Variants in RNF220 observed in about 807,000 individuals in gnomAD.
RNF220 encodes the protein ring finger protein 220.
Under a neutral mutation model 67.1 loss-of-function variants are expected in RNF220, and 7 were observed. The observed-to-expected ratio is 0.10, with a 90% CI of 0.06 to 0.20. The LOEUF (loss-of-function observed/expected upper bound fraction) is 0.20. Among genes scored for constraint, RNF220 ranks in the 10% least tolerant of loss-of-function variants. The pLI is 1.00. For synonymous variants in RNF220, 270 were observed against 283.2 expected, an observed-to-expected ratio of 0.95 and a Z score of 0.47; for missense variants, 565 against 740.3, an observed-to-expected ratio of 0.76 and a Z score of 2.75.
rs1469380464 is a variant in RNF220 at position 44,405,421 on chromosome 1, T to C, written c.-227T>C. 2.9e-5 allele frequency: 18 copies of C among 628,862 alleles called. No homozygotes were observed. Among genetic ancestry groups the C allele is most frequent in the Admixed American group, 1.2e-4 (5 of 41,750 alleles). The allele number at this position is 628,862 out of a possible 1,614,324, so 39.0% of individuals were successfully genotyped here. A position where few individuals can be genotyped will look rare whatever the true frequency, so the allele number is the denominator to read the frequency against. On this transcript the variant is annotated 5_prime_UTR_variant, in exon 1 of 15. Coordinates refer to ENST00000361799, the MANE Select transcript of RNF220 (RefSeq NM_018150.4). ...CCGCTGCCGCCGCCGCCGCCGCCGC[T>C]GCCTCCGCCGGCTCTGCGAACCCGG...
At chr1:44,497,484 A>G (rs536017736) in intron 2 of RNF220, among the ~76,000 whole-genome samples, 7 of 152,132 alleles carry the variant, frequency 4.6e-5, no homozygotes, top group Non-Finnish European at 1.0e-4. Context: ...TCTTGAGGGA[A>G]CATCAGGTCT....
At chr1:44,487,548 G>A (rs1021356856) in intron 2 of RNF220, among the ~76,000 whole-genome samples, 1 of 150,712 alleles carries the variant, frequency 6.6e-6, no homozygotes, top group Non-Finnish European at 1.5e-5. Context: ...AAGTAGGGAC[G>A]TGGGCCGAGC....
At chr1:44,581,064 G>A (rs1157052874) in intron 2 of RNF220, among the ~76,000 whole-genome samples, 1 of 152,254 alleles carries the variant, frequency 6.6e-6, no homozygotes, top group Non-Finnish European at 1.5e-5. Flanking sequence ...TCTAGGCCAA[G>A]CCTTGGCTGA....
chr1:44,632,307 T>C (rs1644169874), intron 5 of RNF220, 36 bp from the exon 6 acceptor site: 9 of 1,613,834 alleles, frequency 5.6e-6, no homozygotes, highest in Admixed American at 1.7e-5. Flanking sequence ...GACGCTCTCT[T>C]TTCTTTTCTT....
At chr1:44,611,370 C>T (rs934950188) in intron 2 of RNF220, among the ~76,000 whole-genome samples, 17 of 152,330 alleles carry the variant, frequency 1.1e-4, no homozygotes, top group Middle Eastern at 6.8e-3. Context: ...CGCCTGGTCC[C>T]CATGCTTGGA....
chr1:44,612,928 A>T (rs1400227937), intron 2 of RNF220, among the ~76,000 whole-genome samples: 1 of 152,250 alleles, frequency 6.6e-6, no homozygotes, highest in Non-Finnish European at 1.5e-5. Flanking sequence ...GAAGGAAGGA[A>T]AATCTGGGCT....
intron 2 of RNF220, among the ~76,000 whole-genome samples, chr1:44,478,931 A>G (rs891287737): frequency 1.3e-5 from 2 of 152,082 alleles, no homozygotes; most frequent in African/African-American, 4.8e-5. Flanking sequence ...ATCCTTGGAC[A>G]TCACCCATGG....
At chr1:44,405,707 C>T (rs1647264160) in intron 1 of RNF220, among the ~76,000 whole-genome samples, 177 bp downstream of exon 1, 1 of 152,044 alleles carries the variant, frequency 6.6e-6, no homozygotes, top group Non-Finnish European at 1.5e-5. Context: ...CTTGGATCAT[C>T]GCGACGGAGC....
chr1:44,438,455 T>TCA (rs1651206889), intron 2 of RNF220, among the ~76,000 whole-genome samples: 1 of 152,186 alleles, frequency 6.6e-6, no homozygotes, highest in Admixed American at 6.5e-5. Flanking sequence ...AAAATAATGT[T>TCA]TTAATATGCC....
At chr1:44,522,479 G>A (rs1660015689) in intron 2 of RNF220, among the ~76,000 whole-genome samples, 1 of 152,168 alleles carries the variant, frequency 6.6e-6, no homozygotes. Context: ...CTTGAAGGGG[G>A]TAAAAGTCGA....
chr1:44,602,338 T>C (rs6671522), intron 2 of RNF220, among the ~76,000 whole-genome samples: 73,924 of 151,838 alleles, frequency 0.49, 18,905 homozygotes, highest in Middle Eastern at 0.61. Context: ...CTGAGTCCAC[T>C]GCCTGGCCTG....
rs528968362 is a variant in RNF220, at chr1:44,440,868, CCT to C, written c.625+28147_625+28148del. ...TTCTTTGGAGCTGTGCCTCCTGTTC[CCT>C]GAGTCTCAAAGAAAAACTCCTCCAG... On this transcript the variant is annotated intron_variant, in intron 2 of 14. Coordinates refer to ENST00000361799, the MANE Select transcript of RNF220 (RefSeq NM_018150.4). Among the ~76,000 whole-genome samples, 1,239 of 152,294 alleles carry C rather than the reference CCT, an allele frequency of 8.1e-3. 5 individuals are homozygous for C. The highest frequency in any genetic ancestry group is 0.012 in the Non-Finnish European group (818 of 68,008).
At chr1:44,597,468 GCACACACACA>G (rs56375404) in intron 2 of RNF220, among the ~76,000 whole-genome samples, 48,519 of 135,486 alleles carry the variant, frequency 0.36, 9,957 homozygotes, top group Non-Finnish European at 0.48. Flanking sequence ...TCTCTCTCAT[GCACACACACA>G]CACACACACA....
chr1:44,598,964 ATCTC>A (rs1250326305), intron 2 of RNF220, among the ~76,000 whole-genome samples: 1 of 149,028 alleles, frequency 6.7e-6, no homozygotes, highest in Non-Finnish European at 1.5e-5. Context: ...CCCCCACCCC[ATCTC>A]TCTTTTTTTC....
intron 2 of RNF220, among the ~76,000 whole-genome samples, chr1:44,415,532 T>A (rs527617133): frequency 2.0e-5 from 3 of 152,300 alleles, no homozygotes; most frequent in Admixed American, 2.0e-4. Flanking sequence ...CACGTGTATA[T>A]ATGTATATAT....
intron 4 of RNF220, among the ~76,000 whole-genome samples, chr1:44,625,767 G>C (rs1231102904): frequency 6.6e-6 from 1 of 151,986 alleles, no homozygotes; most frequent in Non-Finnish European, 1.5e-5. Context: ...ATTGACATGG[G>C]GGGATTAGTT....
At chr1:44,457,385 A>G (rs1653299545) in intron 2 of RNF220, among the ~76,000 whole-genome samples, 1 of 152,196 alleles carries the variant, frequency 6.6e-6, no homozygotes, top group Non-Finnish European at 1.5e-5. Context: ...GAAAAAAATT[A>G]TGAGTAAGAT....
At chr1:44,584,531 GT>G (rs1665552184) in intron 2 of RNF220, among the ~76,000 whole-genome samples, 1 of 152,162 alleles carries the variant, frequency 6.6e-6, no homozygotes, top group Non-Finnish European at 1.5e-5. Flanking sequence ...GGAAATAGGA[GT>G]TGGCTCCCCT....
chr1:44,492,843 G>A (rs1274702517), intron 2 of RNF220, among the ~76,000 whole-genome samples: 6 of 152,172 alleles, frequency 3.9e-5, no homozygotes, highest in Admixed American at 2.6e-4. Context: ...TTGTAGTGAC[G>A]GCAAGCCAAC....
Sources: allele counts gnomAD v4.1 joint callset (sites outside exome capture counted in the v4.1 genomes callset), GRCh38; gene constraint gnomAD v4.1.1; transcripts MANE v1.5; gene names NCBI Gene and HGNC (gene_info 2026-07-23, HGNC 2026-07-21).